The following TRAPPC9 variants were observed in gnomAD, a reference collection of about 807,000 sequenced individuals.
The protein encoded by TRAPPC9 is trafficking protein particle complex subunit 9, also known as IKK2 binding protein.
TRAPPC9 carries 83 observed loss-of-function variants against 124.0 expected under a neutral mutation model. The ratio of observed to expected loss-of-function variants is 0.67; its 90% CI spans 0.56 to 0.80. The LOEUF (loss-of-function observed/expected upper bound fraction) is 0.80. Among genes scored for constraint, TRAPPC9 ranks in the 30% least tolerant of loss-of-function variants. TRAPPC9 has a pLI of 0.00. For missense variants in TRAPPC9, 1,302 were observed against 1,508.3 expected (o/e 0.86, Z 2.27); for synonymous variants, 638 against 617.5 (o/e 1.03, Z -0.49).
chr8:140,289,914 A>G (rs1563920427), intron 12 of TRAPPC9, among the ~76,000 whole-genome samples: 2 of 152,210 alleles, frequency 1.3e-5, no homozygotes, highest in African/African-American at 4.8e-5. Context: ...AGGAGCTCAG[A>G]CAGATTTCGG....
intron 17 of TRAPPC9, among the ~76,000 whole-genome samples, chr8:140,080,766 C>A (rs960284333): frequency 6.6e-6 from 1 of 152,230 alleles, no homozygotes; most frequent in East Asian, 1.9e-4. Flanking sequence ...GCACCTGTCA[C>A]ACTCACAAAC....
In TRAPPC9 at chr8:140,300,559, A is replaced by G. The variant is rs139848315; in HGVS notation, c.1678T>C (p.Leu560=). The part of the protein sequence containing the change: ...ASLRPHKMKS[L]LGQNVSTKSP... ...TTGGTTGACACGTTCTGACCCAGCA[A>G]GCTTTTCATTTTGTGTGGCCGGAGG... Residue 560 remains leucine (L), a synonymous_variant, in exon 11 of 23, where the codon TTG becomes CTG. Coordinates refer to ENST00000438773, the MANE Select transcript of TRAPPC9 (RefSeq NM_001160372.4). The G allele has an allele frequency of 1.4e-4, 220 of 1,614,248 alleles. 2 individuals carry two copies. The highest frequency in any genetic ancestry group is 5.5e-4 in the South Asian group (50 of 91,088).
chr8:140,069,928 C>T (rs894486957), intron 17 of TRAPPC9, among the ~76,000 whole-genome samples: 7 of 152,184 alleles, frequency 4.6e-5, no homozygotes, highest in Non-Finnish European at 8.8e-5. Context: ...TGTCCAAGTG[C>T]AGGAAGAGAA....
intron 18 of TRAPPC9, among the ~76,000 whole-genome samples, chr8:139,990,503 C>G (rs968803765): frequency 2.0e-5 from 3 of 152,146 alleles, no homozygotes; most frequent in African/African-American, 7.2e-5. Context: ...GTCAAAAGGC[C>G]ACGGGGCATC....
chr8:140,316,202 C>A (rs1026204530), intron 9 of TRAPPC9, among the ~76,000 whole-genome samples: 5 of 152,188 alleles, frequency 3.3e-5, no homozygotes, highest in Middle Eastern at 6.8e-3. Flanking sequence ...GAATATCAAG[C>A]AGAATGGGAA....
intron 20 of TRAPPC9, among the ~76,000 whole-genome samples, chr8:139,888,130 C>T (rs1237309720): frequency 3.3e-5 from 5 of 152,216 alleles, no homozygotes; most frequent in Non-Finnish European, 1.5e-5. Flanking sequence ...TAACTCATCC[C>T]GTCCTCCCTC....
intron 2 of TRAPPC9, 73 bp from the exon 3 acceptor site, chr8:140,439,270 T>C (rs2070926882): frequency 7.8e-6 from 12 of 1,533,922 alleles, no homozygotes; most frequent in Admixed American, 6.8e-5. Context: ...CTAAGCACTA[T>C]TCAATTCTCT....
chr8:140,029,060 C>T (rs550211024), intron 17 of TRAPPC9, among the ~76,000 whole-genome samples: 1 of 152,294 alleles, frequency 6.6e-6, no homozygotes, highest in Admixed American at 6.5e-5. Context: ...ATCCTACAAC[C>T]ATTAAAAGGA....
At chr8:140,128,463 C>T (rs113833794) in intron 17 of TRAPPC9, among the ~76,000 whole-genome samples, 3,528 of 152,262 alleles carry the variant, frequency 0.023, 209 homozygotes, top group Admixed American at 0.13. Context: ...GGTTAATGAG[C>T]GGCTAAAGGC....
chr8:139,848,542 C>T (rs974672741), intron 21 of TRAPPC9, among the ~76,000 whole-genome samples: 3 of 151,808 alleles, frequency 2.0e-5, no homozygotes, highest in Admixed American at 6.6e-5. Flanking sequence ...CACACACACA[C>T]ATATATATAT....
chr8:139,901,875 C>G (rs994648288), intron 20 of TRAPPC9, among the ~76,000 whole-genome samples: 1 of 152,146 alleles, frequency 6.6e-6, no homozygotes, highest in Non-Finnish European at 1.5e-5. Context: ...ATCTGTGCAA[C>G]GTGGATAAAA....
chr8:140,379,670 A>G (rs538875418), intron 7 of TRAPPC9, among the ~76,000 whole-genome samples: 1 of 152,370 alleles, frequency 6.6e-6, no homozygotes, highest in South Asian at 2.1e-4. Flanking sequence ...AAAAAAATTA[A>G]GCCAGCAACT....
At chr8:140,078,220 C>T (rs781325670) in intron 17 of TRAPPC9, among the ~76,000 whole-genome samples, 16 of 152,300 alleles carry the variant, frequency 1.1e-4, no homozygotes, top group Non-Finnish European at 2.2e-4. Flanking sequence ...TTTGGAAGAA[C>T]TTTTCAGAGA....
intron 1 of TRAPPC9, among the ~76,000 whole-genome samples, chr8:140,455,380 G>A (rs992774132): frequency 1.7e-4 from 26 of 151,966 alleles, no homozygotes; most frequent in Non-Finnish European, 4.4e-5. Flanking sequence ...TGATCCACCC[G>A]CCTCAGCCTC....
intron 19 of TRAPPC9, among the ~76,000 whole-genome samples, chr8:139,987,121 C>T (rs1291551110): frequency 1.3e-5 from 2 of 152,256 alleles, no homozygotes; most frequent in South Asian, 2.1e-4. Context: ...TTGCAGAGTA[C>T]CACACCATTC....
intron 20 of TRAPPC9, among the ~76,000 whole-genome samples, chr8:139,899,362 T>C (rs957389787): frequency 6.6e-6 from 1 of 152,154 alleles, no homozygotes; most frequent in African/African-American, 2.4e-5. Flanking sequence ...TTACATACTA[T>C]ATTATTACAA....
At chr8:140,395,719 G>A (rs1471896108) in intron 7 of TRAPPC9, among the ~76,000 whole-genome samples, 1 of 152,136 alleles carries the variant, frequency 6.6e-6, no homozygotes, top group Non-Finnish European at 1.5e-5. Context: ...TTCTTTGTGT[G>A]TTCAAAAGAG....
At chr8:139,760,932 C>T (rs1293067309) in intron 21 of TRAPPC9, among the ~76,000 whole-genome samples, 7 of 152,130 alleles carry the variant, frequency 4.6e-5, no homozygotes, top group Non-Finnish European at 1.0e-4. Flanking sequence ...GGACACAGAG[C>T]CAAACCATAT....
intron 17 of TRAPPC9, among the ~76,000 whole-genome samples, chr8:140,169,621 C>T (rs1563814292): frequency 2.6e-5 from 4 of 152,238 alleles, no homozygotes; most frequent in South Asian, 4.1e-4. Context: ...ATGCTCAGCA[C>T]GGCATCTACG....
Sources: allele counts gnomAD v4.1 joint callset (sites outside exome capture counted in the v4.1 genomes callset), GRCh38; gene constraint gnomAD v4.1.1; transcripts MANE v1.5; gene names NCBI Gene and HGNC (gene_info 2026-07-23, HGNC 2026-07-21).